Variants in IL23R observed in about 807,000 individuals in gnomAD.
IL23R encodes the protein interleukin 23 receptor.
A neutral mutation model predicts 56.9 loss-of-function variants in IL23R; 34 were observed. The observed-to-expected ratio is 0.60, with a 90% CI of 0.45 to 0.80. IL23R has a LOEUF of 0.80. IL23R is among the 30% of genes least tolerant of loss of function. IL23R has a pLI of 0.00. For missense variants in IL23R, 635 were observed against 730.0 expected (o/e 0.87, Z 1.50); for synonymous variants, 230 against 249.2 (o/e 0.92, Z 0.73).
At chr1:67,246,013 T>G (rs1449562408) in intron 9 of IL23R, among the ~76,000 whole-genome samples, 1 of 152,220 alleles carries the variant, frequency 6.6e-6, no homozygotes, top group Admixed American at 6.5e-5. Context: ...ATTCAGGGAT[T>G]TCACTTCTTC....
intron 4 of IL23R, among the ~76,000 whole-genome samples, chr1:67,195,658 G>A (rs1202525801): frequency 6.6e-6 from 1 of 152,062 alleles, no homozygotes; most frequent in African/African-American, 2.4e-5. Flanking sequence ...AGGTAACACA[G>A]AAAAAATGCA....
intron 7 of IL23R, among the ~76,000 whole-genome samples, chr1:67,222,323 G>T (rs1238327211): frequency 4.6e-5 from 7 of 151,642 alleles, no homozygotes; most frequent in Non-Finnish European, 8.8e-5. Context: ...CACCATGGTG[G>T]GCAGGCTGGT....
chr1:67,157,359 T>C (rs1437688714), intron 1 of IL23R, among the ~76,000 whole-genome samples: 3 of 152,210 alleles, frequency 2.0e-5, no homozygotes, highest in Non-Finnish European at 4.4e-5. Context: ...TCTCAGTTAA[T>C]GGCCACTTTA....
chr1:67,208,403 C>G (rs193137867), intron 6 of IL23R, among the ~76,000 whole-genome samples: 1 of 152,318 alleles, frequency 6.6e-6, no homozygotes, highest in East Asian at 1.9e-4. Context: ...CCTCCCATCA[C>G]GGGCTTGGAG....
chr1:67,231,386 A>G (rs75328060), intron 7 of IL23R, among the ~76,000 whole-genome samples: 7,464 of 152,302 alleles, frequency 0.049, 215 homozygotes, highest in Middle Eastern at 0.082. Flanking sequence ...ATTAGTGCTT[A>G]TTAAGGTTTT....
At chr1:67,174,247 G>T (rs1350885409) in intron 3 of IL23R, among the ~76,000 whole-genome samples, 1 of 151,184 alleles carries the variant, frequency 6.6e-6, no homozygotes, top group East Asian at 1.9e-4. Flanking sequence ...CTCCATAAAG[G>T]CTGTACCAAT....
chr1:67,220,365 T>C (rs555195436), intron 7 of IL23R, among the ~76,000 whole-genome samples: 1 of 151,084 alleles, frequency 6.6e-6, no homozygotes, highest in African/African-American at 2.4e-5. Flanking sequence ...AGAGACTTGG[T>C]CTCAAAAAAA....
chr1:67,235,946 T>A (rs543502714), intron 7 of IL23R, among the ~76,000 whole-genome samples: 19 of 152,346 alleles, frequency 1.2e-4, no homozygotes, highest in Non-Finnish European at 2.8e-4. Context: ...TAGAGCCATC[T>A]TCAGAAATGT....
chr1:67,219,577 A>G lies in IL23R; in HGVS notation c.802A>G (p.Lys268Glu). Residue 268 changes from lysine (K) to glutamate (E), a missense_variant, in exon 7 of 11, where the codon AAA becomes GAA. Transcript: ENST00000347310. ...TATTGTTACCCATCCATTTTAGGTT[A>G]AAGAATTTGACACCAATTTTACATA... ...KATTNQTWNV[K>E]EFDTNFTYVQ... The G allele has an allele frequency of 6.2e-7, 1 of 1,613,672 alleles. No individual in the cohort carries two copies. The highest frequency in any genetic ancestry group is 8.5e-7 in the Non-Finnish European group (1 of 1,179,702).
chr1:67,177,560 C>T lies in IL23R; in HGVS notation c.368-5276C>T, dbSNP rs1031526634. On this transcript the variant is annotated intron_variant, in intron 3 of 10. Transcript: ENST00000347310. ...TAGATTGCAAAAATTTTCTCCCATT[C>T]TGTAGGTTGCCTGTTCACTCTGATG... 2.1e-4 allele frequency among the ~76,000 whole-genome samples: 32 copies of T among 151,842 alleles called. No individual in the cohort carries two copies. The East Asian group carries it at 4.2e-3, about 20-fold the overall frequency.
chr1:67,238,341 G>GAAA lies in IL23R; in HGVS notation c.1045+1551_1045+1553dup, dbSNP rs34475912. On this transcript the variant is annotated intron_variant, in intron 8 of 10. Coordinates refer to ENST00000347310, the MANE Select transcript of IL23R (RefSeq NM_144701.3). The stretch of plus-strand genomic sequence containing the variant: ...GCAACAGAGCAAGACCCTGTCTCAG[G>GAAA]AAAAAAAAAAAAAAGAGGAAAAAGA... Among the ~76,000 whole-genome samples, 72 of 130,582 alleles carry GAAA rather than the reference G, an allele frequency of 5.5e-4. 1 individual carries two copies. The East Asian group carries it at 0.012, about 23-fold the overall frequency. The allele number at this position is 130,582 out of a possible 152,430, so 85.7% of individuals were successfully genotyped here. A position where few individuals can be genotyped will look rare whatever the true frequency, so the allele number is the denominator to read the frequency against.
At chr1:67,215,989 G>A (rs1272776648) in intron 6 of IL23R, among the ~76,000 whole-genome samples, 1 of 152,098 alleles carries the variant, frequency 6.6e-6, no homozygotes, top group Non-Finnish European at 1.5e-5. Context: ...CAAGGCCTCA[G>A]CTACACCTGT....
intron 3 of IL23R, among the ~76,000 whole-genome samples, chr1:67,176,447 T>C (rs1191237480): frequency 7.0e-6 from 1 of 143,354 alleles, no homozygotes; most frequent in East Asian, 1.9e-4. Context: ...TCATATTTCT[T>C]TTTTTTTTAT....
At chr1:67,186,884 G>T (rs1647376801) in intron 4 of IL23R, among the ~76,000 whole-genome samples, 1 of 152,164 alleles carries the variant, frequency 6.6e-6, no homozygotes, top group African/African-American at 2.4e-5. Flanking sequence ...GCCTCCCAAA[G>T]TGCTAGGATT....
At chr1:67,216,586 A>G (rs1649848844) in intron 6 of IL23R, among the ~76,000 whole-genome samples, 1 of 152,234 alleles carries the variant, frequency 6.6e-6, no homozygotes, top group South Asian at 2.1e-4. Context: ...AATTATGTAA[A>G]TGAATGGGCA....
At chr1:67,216,406 GT>G (rs1362375753) in intron 6 of IL23R, among the ~76,000 whole-genome samples, 1 of 152,160 alleles carries the variant, frequency 6.6e-6, no homozygotes, top group African/African-American at 2.4e-5. Context: ...TCAGCTATGT[GT>G]TCAAGTAAGT....
chr1:67,205,309 A>G (rs1309823465), intron 5 of IL23R, among the ~76,000 whole-genome samples: 1 of 152,254 alleles, frequency 6.6e-6, no homozygotes, highest in Non-Finnish European at 1.5e-5. Context: ...ATAATTTTAG[A>G]TAATAATAGT....
upstream of IL23R, among the ~76,000 whole-genome samples, chr1:67,163,271 C>T (rs1009282352): frequency 2.0e-5 from 3 of 151,754 alleles, no homozygotes; most frequent in Admixed American, 6.6e-5. Context: ...GAGTTTGAGA[C>T]CAGCCTGGCC....
At chr1:67,200,375 ATAAT>A (rs1648530587) in intron 4 of IL23R, among the ~76,000 whole-genome samples, 2 of 151,732 alleles carry the variant, frequency 1.3e-5, no homozygotes, top group African/African-American at 2.4e-5. Flanking sequence ...AAAATCTGGA[ATAAT>A]TAATTCAAAC....
Sources: gnomAD v4.1 joint callset for allele counts (sites outside exome capture counted in the v4.1 genomes callset) on GRCh38, gnomAD v4.1.1 for gene constraint, MANE v1.5 for transcripts, NCBI Gene and HGNC (gene_info 2026-07-23, HGNC 2026-07-21) for gene names.